TRIM37: variants seen among roughly 807,000 people sequenced by gnomAD.
TRIM37 encodes the protein tripartite motif containing 37, also known as E3 ubiquitin-protein ligase TRIM37.
A neutral mutation model predicts 129.8 loss-of-function variants in TRIM37; 80 were observed. That is an observed-to-expected ratio of 0.62 (90% CI 0.51 to 0.74). The LOEUF (loss-of-function observed/expected upper bound fraction) is 0.74, where lower values mean the gene tolerates loss of function less well. Among genes scored for constraint, TRIM37 ranks in the 30% least tolerant of loss-of-function variants. The pLI is 0.00. For synonymous variants in TRIM37, 389 were observed against 387.1 expected, an observed-to-expected ratio of 1.00 and a Z score of -0.06; for missense variants, 1,054 against 1,176.5, an observed-to-expected ratio of 0.90 and a Z score of 1.52.
rs750813596 is a variant in TRIM37 at position 59,028,440 on chromosome 17, T to A, written c.2232A>T (p.Ser744=). Residue 744 remains serine, a synonymous_variant, in exon 19 of 24, where the codon TCA becomes TCT. Transcript: ENST00000262294. ...DLGMELLAKS[S]VANCYIRNST... ...AGTTTCGTATGTAACAATTGGCAACTGATGACTTTGCCAGGAGTTCCATTC... is the reference window on the plus strand; with the variant it reads ...AGTTTCGTATGTAACAATTGGCAACAGATGACTTTGCCAGGAGTTCCATTC... 31 of 1,613,468 alleles carry A rather than the reference T, an allele frequency of 1.9e-5. No individual in the cohort carries two copies. Among genetic ancestry groups the A allele is most frequent in the Non-Finnish European group, 2.6e-5 (31 of 1,180,040 alleles).
intron 17 of TRIM37, among the ~76,000 whole-genome samples, chr17:59,033,370 C>T (rs1343663067): frequency 6.6e-6 from 1 of 152,154 alleles, no homozygotes; most frequent in African/African-American, 2.4e-5. Context: ...TTTTTCTTCC[C>T]AGCCTCTGTA....
At chr17:59,000,642 A>G (rs2033597183) in intron 23 of TRIM37, among the ~76,000 whole-genome samples, 1 of 152,160 alleles carries the variant, frequency 6.6e-6, no homozygotes, top group African/African-American at 2.4e-5. Context: ...AAGACAGAAG[A>G]AAACAAGGGA....
chr17:59,056,716 CA>C (rs869221576), intron 13 of TRIM37, among the ~76,000 whole-genome samples, 158 bp downstream of exon 13: 209 of 37,960 alleles, frequency 5.5e-3, no homozygotes, highest in African/African-American at 5.8e-3. Context: ...ACTATGTCTC[CA>C]AAAAAAAAAA....
chr17:59,001,498 T>G, intron 23 of TRIM37, 100 bp downstream of exon 23: 2 of 1,400,866 alleles, frequency 1.4e-6, no homozygotes, highest in Non-Finnish European at 1.9e-6. Flanking sequence ...GCAAAAGCAG[T>G]AGAGCGGAAA....
chr17:59,012,737 T>C (rs1283796391), intron 21 of TRIM37, among the ~76,000 whole-genome samples: 1 of 151,716 alleles, frequency 6.6e-6, no homozygotes, highest in Non-Finnish European at 1.5e-5. Context: ...ATTAGCCAGA[T>C]ATGGTGGTGG....
chr17:59,060,440 A>G (rs2041380382), intron 12 of TRIM37, among the ~76,000 whole-genome samples: 2 of 151,998 alleles, frequency 1.3e-5, no homozygotes, highest in African/African-American at 4.8e-5. Context: ...CATGTAACAG[A>G]GTTAAAAAAA....
In TRIM37 at chr17:59,049,530, T is replaced by C. The variant is rs1002438869; in HGVS notation, c.1315-137A>G. 35 of 831,454 alleles carry C rather than the reference T, an allele frequency of 4.2e-5. No homozygotes were observed. In the Admixed American group the frequency reaches 4.8e-4, roughly 11 times the overall value. 51.5% of individuals were successfully genotyped at this position (831,454 alleles called of 1,614,324 possible). On this transcript the variant is annotated intron_variant, in intron 14 of 23. Coordinates refer to ENST00000262294, the MANE Select transcript of TRIM37 (RefSeq NM_015294.6). ...ATTTTTTGAGAATGGTCTCACTCTGTTGCCCAGGCTGAAGTGCAGTGGTGC... is the reference window on the plus strand; with the variant it reads ...ATTTTTTGAGAATGGTCTCACTCTGCTGCCCAGGCTGAAGTGCAGTGGTGC...
Position 58,999,115 on chromosome 17 carries a change from C to A in TRIM37, c.*262G>T, listed in dbSNP as rs1417478474. 3.1e-6 allele frequency: 4 copies of A among 1,281,886 alleles called. No individual in the cohort carries two copies. Among genetic ancestry groups the A allele is most frequent in the Non-Finnish European group, 3.0e-6 (3 of 1,008,596 alleles). The allele number at this position is 1,281,886 out of a possible 1,614,324, so 79.4% of individuals were successfully genotyped here. The stretch of plus-strand genomic sequence containing the variant: ...AGACAAACTGCCTTTTGTGAATGTA[C>A]AAATTTGCTAAATTAATAGAGAACT... On this transcript the variant is annotated 3_prime_UTR_variant, in exon 24 of 24. Transcript: ENST00000262294.
At chr17:59,038,509 A>G (rs1447709933) in intron 17 of TRIM37, among the ~76,000 whole-genome samples, 1 of 152,194 alleles carries the variant, frequency 6.6e-6, no homozygotes, top group Non-Finnish European at 1.5e-5. Flanking sequence ...CATAGGCTCC[A>G]TAAGAACAGG....
At chr17:58,968,512 CT>C in the TRIM37 span, among the ~76,000 whole-genome samples, 3 of 152,204 alleles carry the variant, frequency 2.0e-5, no homozygotes, top group Non-Finnish European at 4.4e-5. Flanking sequence ...GAGACAGCAA[CT>C]CGTCCCTGCC....
rs2035268248 is a variant in TRIM37, at chr17:59,011,652, C to G, written c.2695+676G>C. On this transcript the variant is annotated intron_variant, in intron 22 of 23. Coordinates refer to ENST00000262294, the MANE Select transcript of TRIM37 (RefSeq NM_015294.6). ...TAAGCACCTCTGTTGCCCCAAATTGCAAAATGTCTTCTATGCTTTTAGATA... is the reference window on the plus strand; with the variant it reads ...TAAGCACCTCTGTTGCCCCAAATTGGAAAATGTCTTCTATGCTTTTAGATA... Among the ~76,000 whole-genome samples the G allele has an allele frequency of 2.0e-5, 3 of 152,150 alleles. No individual in the cohort carries two copies. The South Asian group carries it at 6.2e-4, about 31-fold the overall frequency.
chr17:59,094,509 G>A (rs12103885), intron 2 of TRIM37, among the ~76,000 whole-genome samples: 118 of 152,124 alleles, frequency 7.8e-4, no homozygotes, highest in African/African-American at 2.7e-3. Flanking sequence ...GACTGAGCTC[G>A]TCTCCTCATA....
chr17:59,017,093 G>A (rs2036039888), intron 20 of TRIM37, among the ~76,000 whole-genome samples: 3 of 152,088 alleles, frequency 2.0e-5, no homozygotes, highest in African/African-American at 4.8e-5. Flanking sequence ...TTAAACCACC[G>A]GTCGAGGCCA....
At position 59,106,758 on chromosome 17, in the gene TRIM37, C is replaced by T; in HGVS notation, c.-297G>A. On this transcript the variant is annotated 5_prime_UTR_variant, in exon 1 of 24. Coordinates refer to ENST00000262294, the MANE Select transcript of TRIM37 (RefSeq NM_015294.6). Reference sequence around the variant, plus strand: ...CAGCAGCCGCGCCGGAACCTCGGCCCACGTGACGCGGGCGCGCGCCTATGG... The same window carrying T: ...CAGCAGCCGCGCCGGAACCTCGGCCTACGTGACGCGGGCGCGCGCCTATGG... 1 of 564,152 alleles carries T rather than the reference C, an allele frequency of 1.8e-6. No individual in the cohort carries two copies. Among genetic ancestry groups the T allele is most frequent in the Non-Finnish European group, 3.2e-6 (1 of 316,632 alleles). 34.9% of individuals were successfully genotyped at this position (564,152 alleles called of 1,614,324 possible).
At chr17:59,022,507 T>C (rs1598950013) in intron 19 of TRIM37, among the ~76,000 whole-genome samples, 1 of 152,246 alleles carries the variant, frequency 6.6e-6, no homozygotes, top group Non-Finnish European at 1.5e-5. Context: ...GTTCAAGTTT[T>C]TGGCTTTGCC....
intron 10 of TRIM37, among the ~76,000 whole-genome samples, chr17:59,063,351 T>C (rs1568140490): frequency 6.6e-6 from 1 of 152,150 alleles, no homozygotes; most frequent in Non-Finnish European, 1.5e-5. Flanking sequence ...AGCTAATTTT[T>C]GTATTTTTAG....
chr17:59,036,134 G>T (rs958176266), intron 17 of TRIM37, among the ~76,000 whole-genome samples: 14 of 152,118 alleles, frequency 9.2e-5, no homozygotes, highest in Non-Finnish European at 1.6e-4. Context: ...TGGTCCAGGT[G>T]CAATAGCTCA....
chr17:59,058,722 G>C (rs2041201638), intron 12 of TRIM37, among the ~76,000 whole-genome samples: 1 of 151,988 alleles, frequency 6.6e-6, no homozygotes, highest in African/African-American at 2.4e-5. Flanking sequence ...AAATTAGCTG[G>C]GTACGGTAGT....
chr17:58,988,390 G>A (rs752381747), intron 24 of TRIM37, among the ~76,000 whole-genome samples: 1 of 152,068 alleles, frequency 6.6e-6, no homozygotes, highest in Non-Finnish European at 1.5e-5. Flanking sequence ...CAGAACAAAA[G>A]CACCCTATGA....
Sources: allele counts gnomAD v4.1 joint callset (sites outside exome capture counted in the v4.1 genomes callset), GRCh38; gene constraint gnomAD v4.1.1; transcripts MANE v1.5; gene names NCBI Gene and HGNC (gene_info 2026-07-23, HGNC 2026-07-21).